Variants in KANK1 observed in about 807,000 individuals in gnomAD.
KANK1 encodes KN motif and ankyrin repeat domains 1, also known as KN motif and ankyrin repeat domain-containing protein 1.
Under a neutral mutation model 106.2 loss-of-function variants are expected in KANK1, and 109 were observed. That is an observed-to-expected ratio of 1.03 (90% CI 0.88 to 1.20). The LOEUF (loss-of-function observed/expected upper bound fraction) is 1.20, where lower values mean the gene tolerates loss of function less well. Ranked by LOEUF, KANK1 falls within the 50% of genes most tolerant of loss-of-function variation. The probability of loss-of-function intolerance (pLI) is 0.00; values close to 1 mark genes in which losing one functional copy is unlikely to be tolerated. For missense variants in KANK1, 2,399 were observed against 1,710.7 expected, an observed-to-expected ratio of 1.40 and a Z score of -7.10; for synonymous variants, 873 against 652.2, an observed-to-expected ratio of 1.34 and a Z score of -5.16.
At chr9:619,892 T>G (rs1832731584) in intron 1 of KANK1, among the ~76,000 whole-genome samples, 1 of 152,114 alleles carries the variant, frequency 6.6e-6, no homozygotes, top group South Asian at 2.1e-4. Context: ...ATCCCAGCAT[T>G]TTGGGAGTCT....
rs140571414 is a variant in KANK1, at chr9:508,707, T to C, written c.-84+3953T>C. Among the ~76,000 whole-genome samples, 390 of 151,518 alleles carry C rather than the reference T, an allele frequency of 2.6e-3. 17 individuals are homozygous for C. Among genetic ancestry groups the C allele is most frequent in the African/African-American group, 9.1e-3 (371 of 40,796 alleles). On this transcript the variant is annotated intron_variant, in intron 1 of 11. Coordinates refer to ENST00000382297, the MANE Select transcript of KANK1 (RefSeq NM_015158.5). ...ACATTATATTTGTGAGATTCAGCTGTGTTGTTGCTTGTGGCTGTAGTTCAG... is the reference window on the plus strand; with the variant it reads ...ACATTATATTTGTGAGATTCAGCTGCGTTGTTGCTTGTGGCTGTAGTTCAG...
chr9:615,192 T>G (rs1831513373), intron 1 of KANK1, among the ~76,000 whole-genome samples: 1 of 152,200 alleles, frequency 6.6e-6, no homozygotes. Context: ...TGCATTGGCC[T>G]TCCAAAGTGC....
At chr9:664,191 G>C (rs955525963) in intron 1 of KANK1, among the ~76,000 whole-genome samples, 8 of 152,042 alleles carry the variant, frequency 5.3e-5, no homozygotes, top group African/African-American at 1.9e-4. Context: ...AAGTGTATTT[G>C]TACCCATTAA....
upstream of KANK1, among the ~76,000 whole-genome samples, chr9:503,295 A>G (rs1377360842): frequency 6.6e-6 from 1 of 151,838 alleles, no homozygotes; most frequent in East Asian, 1.9e-4. Context: ...CAAATGCCCT[A>G]CTCTACAGAC....
chr9:510,788 T>C (rs2058995725), intron 1 of KANK1, among the ~76,000 whole-genome samples: 1 of 152,232 alleles, frequency 6.6e-6, no homozygotes, highest in Non-Finnish European at 1.5e-5. Context: ...TGGGGTTTAA[T>C]GGTAAACACC....
At chr9:505,064 G>C (rs891436399) in intron 1 of KANK1, among the ~76,000 whole-genome samples, 4 of 151,938 alleles carry the variant, frequency 2.6e-5, no homozygotes, top group African/African-American at 9.7e-5. Flanking sequence ...GGCGCGCCGG[G>C]CACGGAGCAG....
At chr9:530,290 G>GT (rs2059998394) in intron 1 of KANK1, among the ~76,000 whole-genome samples, 1 of 152,086 alleles carries the variant, frequency 6.6e-6, no homozygotes, top group African/African-American at 2.4e-5. Context: ...AGAAAAAGGC[G>GT]TTCCCCATCT....
intron 1 of KANK1, among the ~76,000 whole-genome samples, chr9:510,011 T>G (rs1214885762): frequency 6.6e-6 from 1 of 151,734 alleles, no homozygotes; most frequent in African/African-American, 2.4e-5. Flanking sequence ...GGGGTCTTGC[T>G]AGGTTGTCCA....
intron 1 of KANK1, among the ~76,000 whole-genome samples, chr9:606,598 ATG>A (rs113128911): frequency 0.47 from 65,275 of 138,272 alleles, 17,214 homozygotes; most frequent in South Asian, 0.58. Context: ...CCTATAAAAT[ATG>A]TGTGTGTGTG....
At chr9:596,756 A>AT (rs1826322659) in intron 1 of KANK1, among the ~76,000 whole-genome samples, 1 of 151,820 alleles carries the variant, frequency 6.6e-6, no homozygotes, top group Non-Finnish European at 1.5e-5. Flanking sequence ...AATTCACATA[A>AT]TATAACAATA....
intron 1 of KANK1, among the ~76,000 whole-genome samples, chr9:523,911 G>A (rs2059665389): frequency 1.3e-5 from 2 of 151,244 alleles, no homozygotes; most frequent in African/African-American, 2.5e-5. Flanking sequence ...AGTAGAATAC[G>A]GGCTTTTCCA....
At chr9:546,182 G>T (rs1242295785) in intron 1 of KANK1, among the ~76,000 whole-genome samples, 1 of 152,154 alleles carries the variant, frequency 6.6e-6, no homozygotes, top group Non-Finnish European at 1.5e-5. Context: ...TTAGTGTGCA[G>T]AATACACCTT....
intron 1 of KANK1, among the ~76,000 whole-genome samples, chr9:523,859 G>T (rs2059662570): frequency 6.6e-6 from 1 of 151,310 alleles, no homozygotes. Context: ...TATTATTATG[G>T]AATTTACCTA....
At chr9:644,494 G>A (rs1046365272) in intron 1 of KANK1, among the ~76,000 whole-genome samples, 6 of 150,962 alleles carry the variant, frequency 4.0e-5, no homozygotes, top group Admixed American at 3.9e-4. Flanking sequence ...TTAGAATCAT[G>A]GCAGAAGGCA....
chr9:659,140 C>T (rs549694163), intron 1 of KANK1, among the ~76,000 whole-genome samples: 8 of 152,206 alleles, frequency 5.3e-5, no homozygotes, highest in Non-Finnish European at 1.0e-4. Context: ...TAGTGCCCAG[C>T]ACTGTGCCTA....
chr9:506,472 G>C (rs1444892346), intron 1 of KANK1, among the ~76,000 whole-genome samples: 1 of 152,114 alleles, frequency 6.6e-6, no homozygotes, highest in Non-Finnish European at 1.5e-5. Flanking sequence ...CTCTAGACTT[G>C]CCTAGTCCAT....
chr9:586,733 A>C (rs891425000), intron 1 of KANK1, among the ~76,000 whole-genome samples: 2 of 152,190 alleles, frequency 1.3e-5, no homozygotes, highest in African/African-American at 4.8e-5. Context: ...GAAGGTGGAA[A>C]GCTATGAGGG....
intron 3 of KANK1, among the ~76,000 whole-genome samples, chr9:481,290 C>CAA (rs1355419120): frequency 1.5e-5 from 2 of 137,138 alleles, no homozygotes; most frequent in African/African-American, 5.5e-5. Context: ...AAAAACAAAA[C>CAA]AAAACAAAAA....
intron 1 of KANK1, among the ~76,000 whole-genome samples, chr9:621,494 A>T (rs1833135225): frequency 6.6e-6 from 1 of 152,154 alleles, no homozygotes; most frequent in South Asian, 2.1e-4. Context: ...TGCGGGAAAA[A>T]ACCACACATA....
Sources: allele counts gnomAD v4.1 joint callset (sites outside exome capture counted in the v4.1 genomes callset), GRCh38; gene constraint gnomAD v4.1.1; transcripts MANE v1.5; gene names NCBI Gene and HGNC (gene_info 2026-07-23, HGNC 2026-07-21).